FUT5: variants seen among roughly 807,000 people sequenced by gnomAD.
FUT5 encodes the protein fucosyltransferase 5.
A neutral mutation model predicts 0.8 loss-of-function variants in FUT5; 1 was observed. The observed-to-expected ratio is 1.26, with a 90% confidence interval of 0.45 to 5.99. The LOEUF (loss-of-function observed/expected upper bound fraction) is 5.99. Ranked by LOEUF, FUT5 falls within the 30% of genes most tolerant of loss-of-function variation. FUT5 has a pLI of 0.15. For synonymous variants in FUT5, 212 were observed against 225.7 expected (o/e 0.94, Z 0.54); for missense variants, 437 against 517.8 (o/e 0.84, Z 1.51).
rs114881217 is a variant in FUT5, at chr19:5,865,957, T to G, written c.*644A>C. 8.9e-3 allele frequency: 1,460 copies of G among 163,208 alleles called. 26 individuals are homozygous for G. Among genetic ancestry groups the G allele is most frequent in the African/African-American group, 0.033 (1,363 of 41,722 alleles). 10.1% of individuals were successfully genotyped at this position (163,208 alleles called of 1,614,324 possible). A position where few individuals can be genotyped will look rare whatever the true frequency, so the allele number is the denominator to read the frequency against. On this transcript the variant is annotated 3_prime_UTR_variant, in exon 2 of 2. Coordinates refer to ENST00000588525, the MANE Select transcript of FUT5 (RefSeq NM_002034.2). The stretch of plus-strand genomic sequence containing the variant: ...AAGGGCACCCGTTCTCAGGGCCCAG[T>G]GCCCTCCAGGGTGAGGCATCGCAAC...
At position 5,866,719 on chromosome 19, in the gene FUT5, C is replaced by T. The variant is rs201483736; in HGVS notation, c.1007G>A (p.Arg336Gln). 4.1e-5 allele frequency: 66 copies of T among 1,607,494 alleles called. No homozygotes were observed. In the Middle Eastern group the frequency reaches 6.3e-4, roughly 15 times the overall value. The change falls in exon 2 of 2, where the codon CGG (arginine) becomes CAG (glutamine). Residue 336 changes from arginine (R) to glutamine (Q), a missense_variant. Physicochemically the swap from Arg to Gln is conservative, Grantham distance 43. Transcript: ENST00000588525. The surrounding 1 kb of genome is among the most constrained non-coding windows in gnomAD (Gnocchi z 4.9). ...HARYLSYFHW[R>Q]ETLRPRSFSW... ...GAAGGAGCGAGGCCGCAGCGTCTCCCGCCAGTGAAAGTAGCTCAGGTAGCG... is the reference window on the plus strand; with the variant it reads ...GAAGGAGCGAGGCCGCAGCGTCTCCTGCCAGTGAAAGTAGCTCAGGTAGCG...
intron 1 of FUT5, among the ~76,000 whole-genome samples, chr19:5,868,664 G>A (rs1022828052): frequency 6.6e-6 from 1 of 152,112 alleles, no homozygotes; most frequent in Admixed American, 6.5e-5. Flanking sequence ...GCAAGACTCT[G>A]TCTCTACTAA....
intron 1 of FUT5, among the ~76,000 whole-genome samples, chr19:5,869,249 G>A (rs2057515603): frequency 1.3e-5 from 2 of 150,290 alleles, no homozygotes; most frequent in Admixed American, 6.6e-5. Context: ...AAAGTGCTGG[G>A]ATTACAGGTG....
chr19:5,867,362 G>A lies in FUT5; in HGVS notation c.364C>T (p.His122Tyr), dbSNP rs2057508484. The change falls in exon 2 of 2, where the codon CAC becomes TAC. Residue 122 changes from histidine (H) to tyrosine (Y), a missense_variant. Around this residue, in one of 2 missense-constraint regions of FUT5, gnomAD observed 261 missense variants for 242.6 expected, o/e 1.08. Coordinates refer to ENST00000588525, the MANE Select transcript of FUT5 (RefSeq NM_002034.2). This position sits in a 1 kb window ranked among gnomAD's most constrained non-coding sequence, Gnocchi z 5.0. ...VYPQADAVIV[H>Y]HWDIMYNPSA... The stretch of plus-strand genomic sequence containing the variant: ...GGGTTGTACATGATATCCCAGTGGT[G>A]CACGATGACCGCGTCTGCCTGTGGG... 2 of 1,613,966 alleles carry A rather than the reference G, an allele frequency of 1.2e-6. No homozygotes were observed. The highest frequency in any genetic ancestry group is 1.1e-5 in the South Asian group (1 of 91,084).
intron 1 of FUT5, among the ~76,000 whole-genome samples, chr19:5,868,987 ATT>A (rs532737030): frequency 7.2e-6 from 1 of 139,284 alleles, no homozygotes. Flanking sequence ...TGCCCAGCTA[ATT>A]TTTTTTTTTT....
In FUT5 at chr19:5,866,372, G is replaced by T; in HGVS notation, c.*229C>A. ...CCAGCCCCAGCTGGCAAGGTCCCCA[G>T]CAGGGGAGGCTCCTGGCAGTGAAGC... On this transcript the variant is annotated 3_prime_UTR_variant, in exon 2 of 2. Coordinates refer to ENST00000588525, the MANE Select transcript of FUT5 (RefSeq NM_002034.2). The surrounding 1 kb of genome is among the most constrained non-coding windows in gnomAD (Gnocchi z 4.9). The T allele has an allele frequency of 1.4e-6, 1 of 694,540 alleles. No individual in the cohort carries two copies. The allele number at this position is 694,540 out of a possible 1,614,324, so 43.0% of individuals were successfully genotyped here.
chr19:5,869,688 T>C (rs540088320), intron 1 of FUT5, among the ~76,000 whole-genome samples: 3 of 152,272 alleles, frequency 2.0e-5, no homozygotes, highest in African/African-American at 7.2e-5. Context: ...TATTTCTTAG[T>C]ATGAAAGAAA....
rs1201583007 is a variant in FUT5, at chr19:5,866,390, A to C, written c.*211T>G. 6 of 776,202 alleles carry C rather than the reference A, an allele frequency of 7.7e-6. No individual in the cohort carries two copies. The highest frequency in any genetic ancestry group is 1.2e-5 in the Non-Finnish European group (6 of 484,110). The allele number at this position is 776,202 out of a possible 1,614,324, so 48.1% of individuals were successfully genotyped here. On this transcript the variant is annotated 3_prime_UTR_variant, in exon 2 of 2. Coordinates refer to ENST00000588525, the MANE Select transcript of FUT5 (RefSeq NM_002034.2). This position sits in a 1 kb window ranked among gnomAD's most constrained non-coding sequence, Gnocchi z 4.9. ...GTCCCCAGCAGGGGAGGCTCCTGGCAGTGAAGCCCGGCAAGTGAAATCCCA... is the reference window on the plus strand; with the variant it reads ...GTCCCCAGCAGGGGAGGCTCCTGGCCGTGAAGCCCGGCAAGTGAAATCCCA...
chr19:5,869,300 T>A (rs1012095374), intron 1 of FUT5, among the ~76,000 whole-genome samples: 25 of 137,264 alleles, frequency 1.8e-4, no homozygotes, highest in Non-Finnish European at 2.5e-4. Context: ...TTTTTTTTTT[T>A]AAATTTACTT....
At position 5,867,400 on chromosome 19, in the gene FUT5, T is replaced by C; in HGVS notation, c.326A>G (p.Asp109Gly). Residue 109 changes from aspartate to glycine, a missense_variant, in exon 2 of 2, where the codon GAC becomes GGC. Asp to Gly is a moderately conservative substitution (Grantham distance 94). Transcript: ENST00000588525. The surrounding 1 kb of genome is among the most constrained non-coding windows in gnomAD (Gnocchi z 5.0). ...PGAADCNITADSSVYPQADAV... is the reference protein window; with the variant it reads ...PGAADCNITAGSSVYPQADAV... ...GTCTGCCTGTGGGTACACACTGGAG[T>C]CGGCAGTGATGTTGCAGTCGGCCGC... 2 of 1,613,314 alleles carry C rather than the reference T, an allele frequency of 1.2e-6. No homozygotes were observed. Among genetic ancestry groups the C allele is most frequent in the South Asian group, 1.1e-5 (1 of 91,066 alleles).
At chr19:5,870,197 CCG>C (rs2057518539) in intron 1 of FUT5, among the ~76,000 whole-genome samples, 1 of 150,668 alleles carries the variant, frequency 6.6e-6, no homozygotes, top group Non-Finnish European at 1.5e-5. Flanking sequence ...GATGGAGTCA[CCG>C]TGAGCCACTG....
Position 5,868,443 on chromosome 19 carries a change from C to T in FUT5, c.-12-706G>A, listed in dbSNP as rs146699642. ...GCGACCGGAGGAGGAGGAGGGAACC[C>T]GAACCATGCTTTGTGATGGGTGAGG... On this transcript the variant is annotated intron_variant, in intron 1 of 1. Coordinates refer to ENST00000588525, the MANE Select transcript of FUT5 (RefSeq NM_002034.2). Among the ~76,000 whole-genome samples the T allele has an allele frequency of 1.9e-4, 29 of 152,222 alleles. No homozygotes were observed. In the East Asian group the frequency reaches 3.1e-3, roughly 16 times the overall value.
At position 5,867,814 on chromosome 19, in the gene FUT5, T is replaced by C. The variant is rs1403008234; in HGVS notation, c.-12-77A>G. On this transcript the variant is annotated intron_variant, in intron 1 of 1. Coordinates refer to ENST00000588525, the MANE Select transcript of FUT5 (RefSeq NM_002034.2). The surrounding 1 kb of genome is among the most constrained non-coding windows in gnomAD (Gnocchi z 5.0). ...CCTGGCCACGTGTCCTGAGAGAAGC[T>C]GTTATAATTTATGACACAGCTTGTC... 2 of 1,473,840 alleles carry C rather than the reference T, an allele frequency of 1.4e-6. No individual in the cohort carries two copies. Among genetic ancestry groups the C allele is most frequent in the African/African-American group, 2.8e-5 (2 of 71,878 alleles). 91.3% of individuals were successfully genotyped at this position (1,473,840 alleles called of 1,614,324 possible).
In FUT5 at chr19:5,867,137, G is replaced by A. The variant is rs537224224; in HGVS notation, c.589C>T (p.Leu197Phe). 1 of 1,612,738 alleles carries A rather than the reference G, an allele frequency of 6.2e-7. No homozygotes were observed. The highest frequency in any genetic ancestry group is 1.3e-5 in the African/African-American group (1 of 75,020). Reference sequence around the variant, plus strand: ...AGCTCGGTCTTGGCCGAGAGGTTGAGCGGTGGGTGGGCAGGCTGGCCGGAC... The same window carrying A: ...AGCTCGGTCTTGGCCGAGAGGTTGAACGGTGGGTGGGCAGGCTGGCCGGAC... The part of the protein sequence containing the change: ...PWSGQPAHPP[L>F]NLSAKTELVA... Residue 197 changes from leucine (L) to phenylalanine (F), a missense_variant, in exon 2 of 2, where the codon CTC becomes TTC. Physicochemically the swap from Leu to Phe is conservative, Grantham distance 22. Around this residue, in one of 2 missense-constraint regions of FUT5, gnomAD observed 176 missense variants for 275.2 expected, o/e 0.64. Coordinates refer to ENST00000588525, the MANE Select transcript of FUT5 (RefSeq NM_002034.2). The surrounding 1 kb of genome is among the most constrained non-coding windows in gnomAD (Gnocchi z 5.0).
intron 1 of FUT5, among the ~76,000 whole-genome samples, chr19:5,869,679 A>G (rs956594548): frequency 3.3e-5 from 5 of 152,152 alleles, no homozygotes; most frequent in African/African-American, 1.2e-4. Flanking sequence ...TACGATTGTT[A>G]TTTCTTAGTA....
Position 5,866,298 on chromosome 19 carries a change from C to G in FUT5, c.*303G>C. The G allele has an allele frequency of 1.9e-6, 1 of 535,110 alleles. No homozygotes were observed. Among genetic ancestry groups the G allele is most frequent in the Non-Finnish European group, 3.4e-6 (1 of 297,620 alleles). 33.1% of individuals were successfully genotyped at this position (535,110 alleles called of 1,614,324 possible). A position where few individuals can be genotyped will look rare whatever the true frequency, so the allele number is the denominator to read the frequency against. On this transcript the variant is annotated 3_prime_UTR_variant, in exon 2 of 2. Transcript: ENST00000588525. This position sits in a 1 kb window ranked among gnomAD's most constrained non-coding sequence, Gnocchi z 4.9. ...GGTAAAGTCCCCAACAGCCGAGATC[C>G]TCAGTAGGTGCAGCCTCCAGAAAGC...
chr19:5,866,292 G>A lies in FUT5; in HGVS notation c.*309C>T, dbSNP rs1039535058. The A allele has an allele frequency of 1.9e-5, 10 of 519,728 alleles. No individual in the cohort carries two copies. Among genetic ancestry groups the A allele is most frequent in the African/African-American group, 7.7e-5 (4 of 52,116 alleles). 32.2% of individuals were successfully genotyped at this position (519,728 alleles called of 1,614,324 possible). Reference sequence around the variant, plus strand: ...CCAGCAGGTAAAGTCCCCAACAGCCGAGATCCTCAGTAGGTGCAGCCTCCA... The same window carrying A: ...CCAGCAGGTAAAGTCCCCAACAGCCAAGATCCTCAGTAGGTGCAGCCTCCA... On this transcript the variant is annotated 3_prime_UTR_variant, in exon 2 of 2. Transcript: ENST00000588525. The surrounding 1 kb of genome is among the most constrained non-coding windows in gnomAD (Gnocchi z 4.9).
chr19:5,867,066 C>T lies in FUT5; in HGVS notation c.660G>A (p.Val220=). ...GAGCCTGCAGGCTCTGGTAGTAGCGCACCCTGGCCGAGTCCGGCTTCCAGT... is the reference window on the plus strand; with the variant it reads ...GAGCCTGCAGGCTCTGGTAGTAGCGTACCCTGGCCGAGTCCGGCTTCCAGT... ...VSNWKPDSAR[V]RYYQSLQAHL... is the part of the protein sequence containing the mutation. The change falls in exon 2 of 2, where the codon GTG becomes GTA. Residue 220 remains valine, a synonymous_variant. Coordinates refer to ENST00000588525, the MANE Select transcript of FUT5 (RefSeq NM_002034.2). This position sits in a 1 kb window ranked among gnomAD's most constrained non-coding sequence, Gnocchi z 5.0. 6.2e-7 allele frequency: 1 copy of T among 1,613,586 alleles called. No homozygotes were observed. Among genetic ancestry groups the T allele is most frequent in the Non-Finnish European group, 8.5e-7 (1 of 1,179,858 alleles).
In FUT5 at chr19:5,867,187, G is replaced by A. The variant is rs769726197; in HGVS notation, c.539C>T (p.Thr180Met). 68 of 1,612,710 alleles carry A rather than the reference G, an allele frequency of 4.2e-5. 1 individual carries two copies. In the Middle Eastern group the frequency reaches 6.6e-4, roughly 16 times the overall value. The change falls in exon 2 of 2, where the codon ACG becomes ATG. Residue 180 changes from threonine to methionine, a missense_variant. Thr to Met is a moderately conservative substitution (Grantham distance 81). Around this residue, in one of 2 missense-constraint regions of FUT5, gnomAD observed 176 missense variants for 275.2 expected, o/e 0.64. Coordinates refer to ENST00000588525, the MANE Select transcript of FUT5 (RefSeq NM_002034.2). This position sits in a 1 kb window ranked among gnomAD's most constrained non-coding sequence, Gnocchi z 5.0. ...CCACGGCTCCAGCCAGCCGTAGGGC[G>A]TGAAGATGTCGGAGTCGCTGCGGTA... ...MSYRSDSDIF[T>M]PYGWLEPWSG... is the part of the protein sequence containing the mutation.
Sources: gnomAD v4.1 joint callset for allele counts (sites outside exome capture counted in the v4.1 genomes callset) on GRCh38, gnomAD v4.1.1 for gene constraint, gnomAD v4.1.1 regional missense constraint, Gnocchi (gnomAD v3.1) non-coding constraint, MANE v1.5 for transcripts, NCBI Gene and HGNC (gene_info 2026-07-23, HGNC 2026-07-21) for gene names.